Variants in MADD observed in about 807,000 individuals in gnomAD.
The protein encoded by MADD is MAP kinase activating death domain, also known as MAP kinase-activating death domain protein.
A neutral mutation model predicts 176.7 loss-of-function variants in MADD; 109 were observed. The ratio of observed to expected loss-of-function variants is 0.62; its 90% CI spans 0.53 to 0.72. The LOEUF (loss-of-function observed/expected upper bound fraction) is 0.72, where lower values mean the gene tolerates loss of function less well. Among genes scored for constraint, MADD ranks in the 30% least tolerant of loss-of-function variants. The pLI is 0.00. For synonymous variants in MADD, 771 were observed against 771.3 expected, an observed-to-expected ratio of 1.00 and a Z score of 0.01; for missense variants, 1,914 against 2,045.5, an observed-to-expected ratio of 0.94 and a Z score of 1.24.
At chr11:47,310,920 A>G (rs937895409) in intron 25 of MADD, among the ~76,000 whole-genome samples, 8 of 151,980 alleles carry the variant, frequency 5.3e-5, no homozygotes, top group Non-Finnish European at 1.2e-4. Flanking sequence ...AAAAAAAAAA[A>G]AAAGAAATGA....
rs569011724 is a variant in MADD at position 47,281,760 on chromosome 11, C to T, written c.1469+7C>T. 1 of 1,584,666 alleles carries T rather than the reference C, an allele frequency of 6.3e-7. No individual in the cohort carries two copies. Among genetic ancestry groups the T allele is most frequent in the Admixed American group, 1.7e-5 (1 of 58,564 alleles). ...CTGTGGATGTTGCAACCAGGTAAGA[C>T]CAAGCCGACTGTATAATCACAAGTT... On this transcript the variant is annotated splice_region_variant and intron_variant, in intron 8 of 32. Coordinates refer to ENST00000402192, the Ensembl canonical transcript of MADD.
chr11:47,278,925 A>G lies in MADD; in HGVS notation c.1210-74A>G, dbSNP rs2053440696. 3 of 1,272,606 alleles carry G rather than the reference A, an allele frequency of 2.4e-6. No individual in the cohort carries two copies. In the South Asian group the frequency reaches 3.6e-5, roughly 15 times the overall value. 78.8% of individuals were successfully genotyped at this position (1,272,606 alleles called of 1,614,324 possible). On this transcript the variant is annotated intron_variant, in intron 6 of 32. Transcript: ENST00000402192. Reference sequence around the variant, plus strand: ...AATAATAATGTATATACGTCCTCTTATTTTTATTTATGTAAGTGAAATTCC... The same window carrying G: ...AATAATAATGTATATACGTCCTCTTGTTTTTATTTATGTAAGTGAAATTCC...
chr11:47,320,590 GC>G (rs1348398955), intron 27 of MADD, among the ~76,000 whole-genome samples: 1 of 152,124 alleles, frequency 6.6e-6, no homozygotes, highest in Non-Finnish European at 1.5e-5. Context: ...TTTGAGACCA[GC>G]CTGGGCAACA....
intron 10 of MADD, among the ~76,000 whole-genome samples, chr11:47,283,793 A>C (rs970311927): frequency 4.0e-5 from 6 of 151,694 alleles, no homozygotes; most frequent in Non-Finnish European, 8.8e-5. Context: ...GGCTGGTTTC[A>C]AACTCATGCC....
intron 10 of MADD, among the ~76,000 whole-genome samples, chr11:47,283,310 A>G (rs541359654): frequency 0.017 from 2,498 of 150,750 alleles, 30 homozygotes; most frequent in Non-Finnish European, 0.026. Context: ...AGCCAGGATG[A>G]TCTCGATCTC....
Position 47,329,127 on chromosome 11 carries a change from C to G in MADD, c.4741C>G (p.Pro1581Ala), listed in dbSNP as rs371641906. 4.8e-5 allele frequency: 77 copies of G among 1,613,964 alleles called. No homozygotes were observed. Among genetic ancestry groups the G allele is most frequent in the Non-Finnish European group, 6.4e-5 (75 of 1,179,982 alleles). ...TAGCAGTGAGGAAGATCTCAGAACC[C>G]CGCCCCGGCCTGTCTCTAGCTGATG... The change falls in exon 33 of 33, where the codon CCG (proline) becomes GCG (alanine). Residue 1581 changes from proline to alanine, a missense_variant. By Grantham distance (27) the Pro-to-Ala change is conservative (BLOSUM62 -1). This residue lies in a region of MADD where 147 missense variants were observed against 209.5 expected (regional missense o/e 0.70). Coordinates refer to ENST00000402192, the Ensembl canonical transcript of MADD.
rs2053566797 is a variant in MADD, at chr11:47,279,086, G to C, written c.1290+7G>C. 1 of 1,613,424 alleles carries C rather than the reference G, an allele frequency of 6.2e-7. No homozygotes were observed. Among genetic ancestry groups the C allele is most frequent in the Admixed American group, 1.7e-5 (1 of 59,996 alleles). On this transcript the variant is annotated splice_region_variant and intron_variant, in intron 7 of 32. Transcript: ENST00000402192. ...GAAAAAGCATTTAAAGCAGGTAGGT[G>C]AAGAACGAAGGAAAGAAAGGGGAGT...
intron 19 of MADD, 23 bp downstream of exon 21, chr11:47,292,619 T>C: frequency 6.2e-7 from 1 of 1,613,398 alleles, no homozygotes; most frequent in Non-Finnish European, 8.5e-7. Flanking sequence ...TGCCCTTTCC[T>C]GTTCCCAAGT....
intron 1 of MADD, among the ~76,000 whole-genome samples, 170 bp downstream of exon 1, chr11:47,270,416 G>A (rs1465873673): frequency 6.6e-6 from 1 of 151,042 alleles, no homozygotes; most frequent in Non-Finnish European, 1.5e-5. Flanking sequence ...GCGGGGACGG[G>A]GATGGGGGCG....
chr11:47,277,217 T>C (rs2050877140), intron 5 of MADD, among the ~76,000 whole-genome samples: 1 of 152,234 alleles, frequency 6.6e-6, no homozygotes. Flanking sequence ...TGTTTTTTTC[T>C]ATACATATAT....
intron 19 of MADD, 59 bp downstream of exon 21, chr11:47,292,655 C>T (rs1220809020): frequency 8.4e-6 from 13 of 1,548,984 alleles, no homozygotes; most frequent in Non-Finnish European, 7.1e-6. Flanking sequence ...ACTCCCCAGG[C>T]CCAGTTGGGG....
chr11:47,298,892 A>G (rs1012869724), intron 22 of MADD, among the ~76,000 whole-genome samples: 1 of 152,152 alleles, frequency 6.6e-6, no homozygotes, highest in Non-Finnish European at 1.5e-5. Context: ...TATTTTTCTG[A>G]ATAATGGATA....
At chr11:47,269,542 T>G (rs1344539715), upstream of MADD, 1 of 152,186 alleles carries the variant, frequency 6.6e-6, no homozygotes, top group Non-Finnish European at 1.5e-5. Flanking sequence ...GCGGGGAGGA[T>G]GTCCTGAGGC....
At position 47,295,616 on chromosome 11, in the gene MADD, G is replaced by C. The variant is rs763670423; in HGVS notation, c.3483+40G>C. On this transcript the variant is annotated intron_variant, in intron 21 of 32. Coordinates refer to ENST00000402192, the Ensembl canonical transcript of MADD. Reference sequence around the variant, plus strand: ...CCACACTGGCATCTTGGTGGGTGGGGTGTGGATTTCCCCTTTGGAAAAGGG... The same window carrying C: ...CCACACTGGCATCTTGGTGGGTGGGCTGTGGATTTCCCCTTTGGAAAAGGG... 3.7e-6 allele frequency: 6 copies of C among 1,613,694 alleles called. No individual in the cohort carries two copies. In the South Asian group the frequency reaches 5.5e-5, roughly 15 times the overall value.
chr11:47,328,186 G>T, intron 31 of MADD: 1 of 1,048,176 alleles, frequency 9.5e-7, no homozygotes, highest in African/African-American at 1.7e-5. Flanking sequence ...TGGGAATAAC[G>T]GGAACTGTGT....
At chr11:47,284,046 G>C (rs909314715) in intron 10 of MADD, 132 bp from the exon 11 acceptor site, 1 of 665,432 alleles carries the variant, frequency 1.5e-6, no homozygotes, top group Non-Finnish European at 2.7e-6. Context: ...TGTTTTTCTT[G>C]GCTTCTTTAT....
At chr11:47,289,057 CTT>C in intron 15 of MADD, 30 bp downstream of exon 16, 6 of 1,449,464 alleles carry the variant, frequency 4.1e-6, no homozygotes, top group African/African-American at 1.5e-5. Context: ...TGTGCATGAT[CTT>C]TTTTTTTTCT....
intron 27 of MADD, among the ~76,000 whole-genome samples, chr11:47,319,218 A>C (rs1796534327): frequency 6.7e-6 from 1 of 148,332 alleles, no homozygotes; most frequent in Non-Finnish European, 1.5e-5. Context: ...TGCAACATCC[A>C]CCCACCGACT....
intron 5 of MADD, among the ~76,000 whole-genome samples, chr11:47,277,070 A>C (rs1405770034): frequency 6.6e-6 from 1 of 152,262 alleles, no homozygotes; most frequent in African/African-American, 2.4e-5. Flanking sequence ...TAATGACTGT[A>C]GGCCACTGGC....
Sources: allele counts gnomAD v4.1 joint callset (sites outside exome capture counted in the v4.1 genomes callset), GRCh38; gene constraint gnomAD v4.1.1; regional missense constraint gnomAD v4.1.1; transcripts MANE v1.5; gene names NCBI Gene and HGNC (gene_info 2026-07-23, HGNC 2026-07-21).